ADGRL3: variants seen among roughly 807,000 people sequenced by gnomAD.
ADGRL3 encodes adhesion G protein-coupled receptor L3.
ADGRL3 carries 62 observed loss-of-function variants against 153.5 expected under a neutral mutation model. The ratio of observed to expected loss-of-function variants is 0.40; its 90% CI spans 0.33 to 0.50. ADGRL3 has a LOEUF of 0.50. Among genes scored for constraint, ADGRL3 ranks in the 20% least tolerant of loss-of-function variants. The pLI, the probability that ADGRL3 is intolerant of heterozygous loss-of-function variation, is 0.47. For missense variants in ADGRL3, 1,641 were observed against 1,859.4 expected (o/e 0.88, Z 2.16); for synonymous variants, 710 against 672.5 (o/e 1.06, Z -0.86).
intron 5 of ADGRL3, among the ~76,000 whole-genome samples, chr4:61,659,528 AG>A (rs2094533347): frequency 6.6e-6 from 1 of 152,208 alleles, no homozygotes. Flanking sequence ...TTTAAAAAAC[AG>A]GTCTTATGAT....
intron 2 of ADGRL3, among the ~76,000 whole-genome samples, chr4:61,403,960 T>G (rs7698242): frequency 0.03 from 4,635 of 152,132 alleles, 218 homozygotes; most frequent in East Asian, 0.21. Context: ...TATCGTCTTA[T>G]TTAATCTTAA....
intron 4 of ADGRL3, among the ~76,000 whole-genome samples, chr4:61,580,269 A>G (rs1000787666): frequency 2.6e-5 from 4 of 152,098 alleles, no homozygotes; most frequent in Admixed American, 1.3e-4. Context: ...AATTTTCAAA[A>G]GAGCTCTTTT....
chr4:61,974,570 G>A (rs2099041386), intron 17 of ADGRL3, among the ~76,000 whole-genome samples: 1 of 152,122 alleles, frequency 6.6e-6, no homozygotes, highest in Admixed American at 6.5e-5. Context: ...TATATTATGT[G>A]AATTACTTAT....
intron 2 of ADGRL3, among the ~76,000 whole-genome samples, chr4:61,488,559 C>T (rs999981869): frequency 2.0e-5 from 3 of 151,922 alleles, no homozygotes; most frequent in African/African-American, 7.2e-5. Flanking sequence ...GTGCAAGTGT[C>T]ACTTTATACC....
intron 6 of ADGRL3, among the ~76,000 whole-genome samples, chr4:61,703,994 T>A (rs1299349037): frequency 1.3e-5 from 2 of 152,192 alleles, no homozygotes; most frequent in Non-Finnish European, 2.9e-5. Flanking sequence ...GCATACTCTT[T>A]CTTTAGATAT....
intron 1 of ADGRL3, among the ~76,000 whole-genome samples, chr4:61,213,706 G>T (rs1490786016): frequency 2.0e-5 from 3 of 151,858 alleles, no homozygotes; most frequent in Admixed American, 6.6e-5. Context: ...TTATTTTTTT[G>T]AAAGCATTAA....
rs758237306 is a variant in ADGRL3 at position 62,077,639 on chromosome 4, G to T, written c.*6731G>T. On this transcript the variant is annotated 3_prime_UTR_variant, in exon 27 of 27. Transcript: ENST00000683033. ...AGAGTGCATTCTTAGGCTAATTAGTGCCTAGTCCTCTGGAGTATTTTTTAA... is the reference window on the plus strand; with the variant it reads ...AGAGTGCATTCTTAGGCTAATTAGTTCCTAGTCCTCTGGAGTATTTTTTAA... 9 of 151,838 alleles carry T rather than the reference G, an allele frequency of 5.9e-5. No homozygotes were observed. The highest frequency in any genetic ancestry group is 9.7e-5 in the African/African-American group (4 of 41,392). 9.4% of individuals were successfully genotyped at this position (151,838 alleles called of 1,614,324 possible). A position where few individuals can be genotyped will look rare whatever the true frequency, so the allele number is the denominator to read the frequency against.
At chr4:61,893,129 C>A (rs13151119) in intron 10 of ADGRL3, among the ~76,000 whole-genome samples, 171 bp downstream of exon 10, 3 of 139,302 alleles carry the variant, frequency 2.2e-5, no homozygotes, top group African/African-American at 8.0e-5. Context: ...CTCTCTTTCT[C>A]TCTTTCTTTC....
intron 9 of ADGRL3, among the ~76,000 whole-genome samples, chr4:61,842,902 A>G (rs1221206681): frequency 1.3e-5 from 2 of 152,178 alleles, no homozygotes; most frequent in Admixed American, 1.3e-4. Context: ...GAAATTGGAA[A>G]CAGGTGTTTC....
chr4:61,781,331 C>CAA (rs71281828), intron 8 of ADGRL3, among the ~76,000 whole-genome samples: 23 of 64,414 alleles, frequency 3.6e-4, no homozygotes, highest in East Asian at 1.4e-3. Flanking sequence ...ATTCTGCCTC[C>CAA]AAAAAAAAAA....
At chr4:61,385,086 T>G (rs1002802982) in intron 2 of ADGRL3, among the ~76,000 whole-genome samples, 4 of 152,256 alleles carry the variant, frequency 2.6e-5, no homozygotes, top group East Asian at 1.9e-4. Context: ...AATTAAAATA[T>G]TAGAAAACAA....
intron 4 of ADGRL3, among the ~76,000 whole-genome samples, chr4:61,565,293 C>A (rs529969900): frequency 6.6e-6 from 1 of 152,280 alleles, no homozygotes; most frequent in Admixed American, 6.5e-5. Flanking sequence ...TACTAAAAAA[C>A]TCAGGCTCGC....
At chr4:61,598,144 C>A (rs578059097) in intron 5 of ADGRL3, among the ~76,000 whole-genome samples, 1 of 151,954 alleles carries the variant, frequency 6.6e-6, no homozygotes, top group African/African-American at 2.4e-5. Flanking sequence ...GTTAGCATTT[C>A]CCTGCTGTGA....
chr4:61,311,589 C>T (rs547166710), intron 1 of ADGRL3, among the ~76,000 whole-genome samples: 1 of 152,138 alleles, frequency 6.6e-6, no homozygotes, highest in Non-Finnish European at 1.5e-5. Context: ...TAATGTTACT[C>T]ACACCTAACT....
chr4:61,693,523 G>C (rs2095578376), intron 6 of ADGRL3, among the ~76,000 whole-genome samples: 1 of 152,072 alleles, frequency 6.6e-6, no homozygotes, highest in Non-Finnish European at 1.5e-5. Context: ...AGATTAAGCT[G>C]TCACATCAGA....
At position 61,301,022 on chromosome 4, in the gene ADGRL3, G is replaced by A. The variant is rs1305459199; in HGVS notation, c.-239-82102G>A. On this transcript the variant is annotated intron_variant, in intron 1 of 26. Coordinates refer to ENST00000683033, the MANE Select transcript of ADGRL3 (RefSeq NM_001387552.1). ...TTGTGATCCACCCGCCTCGGGCTCC[G>A]GAAGTGCTGGAATTACAGGCGTGAG... Among the ~76,000 whole-genome samples, 3 of 152,132 alleles carry A rather than the reference G, an allele frequency of 2.0e-5. 1 individual carries two copies. The highest frequency in any genetic ancestry group is 4.1e-4 in the South Asian group (2 of 4,820).
intron 2 of ADGRL3, among the ~76,000 whole-genome samples, chr4:61,482,563 G>C (rs1184566576): frequency 6.6e-6 from 1 of 152,106 alleles, no homozygotes; most frequent in Non-Finnish European, 1.5e-5. Context: ...ACTGAACAAA[G>C]AAATGATTTA....
chr4:62,003,188 G>T lies in ADGRL3; in HGVS notation c.3395+4923G>T, dbSNP rs1581829877. On this transcript the variant is annotated intron_variant, in intron 21 of 26. Coordinates refer to ENST00000683033, the MANE Select transcript of ADGRL3 (RefSeq NM_001387552.1). ...TTTGCTTTTCTGTATCCGTCCCTTT[G>T]CGCCTTCTCATCAAAGGACTTCTGC... Among the ~76,000 whole-genome samples, 10 of 152,206 alleles carry T rather than the reference G, an allele frequency of 6.6e-5. No homozygotes were observed. The South Asian group carries it at 1.9e-3, about 28-fold the overall frequency.
At chr4:61,256,259 A>C (rs1476136973) in intron 1 of ADGRL3, among the ~76,000 whole-genome samples, 1 of 151,864 alleles carries the variant, frequency 6.6e-6, no homozygotes, top group Admixed American at 6.6e-5. Context: ...GTTTTTAATC[A>C]TTTTTTTCTT....
Sources: gnomAD v4.1 joint callset for allele counts (sites outside exome capture counted in the v4.1 genomes callset) on GRCh38, gnomAD v4.1.1 for gene constraint, MANE v1.5 for transcripts, NCBI Gene and HGNC (gene_info 2026-07-23, HGNC 2026-07-21) for gene names.